TSPAN13: variants seen among roughly 807,000 people sequenced by gnomAD.
TSPAN13 encodes tetraspanin 13, also known as tetraspanin-13.
A neutral mutation model predicts 26.9 loss-of-function variants in TSPAN13; 18 were observed. That is an observed-to-expected ratio of 0.67 (90% CI 0.46 to 0.99). TSPAN13 has a LOEUF of 0.99. Ranked by LOEUF, TSPAN13 falls within the 50% of genes least tolerant of loss-of-function variation. The probability of loss-of-function intolerance (pLI) is 0.00; values close to 1 mark genes in which losing one functional copy is unlikely to be tolerated. For synonymous variants in TSPAN13, 116 were observed against 98.4 expected, an observed-to-expected ratio of 1.18 and a Z score of -1.06; for missense variants, 201 against 249.6, an observed-to-expected ratio of 0.81 and a Z score of 1.31.
At chr7:16,765,610 T>C (rs534532723) in intron 1 of TSPAN13, among the ~76,000 whole-genome samples, 42 of 152,332 alleles carry the variant, frequency 2.8e-4, no homozygotes, top group African/African-American at 6.3e-4. Flanking sequence ...CTCCTTTAGT[T>C]CTCTTTTTAA....
chr7:16,778,979 G>T (rs765042395), intron 4 of TSPAN13, 24 bp from the exon 5 acceptor site: 14 of 1,526,680 alleles, frequency 9.2e-6, no homozygotes, highest in Middle Eastern at 1.7e-4. Flanking sequence ...TGAAATAAAG[G>T]TTTTTTTACT....
At chr7:16,758,041 G>T (rs1183723208) in intron 1 of TSPAN13, among the ~76,000 whole-genome samples, 4 of 152,024 alleles carry the variant, frequency 2.6e-5, no homozygotes, top group Non-Finnish European at 5.9e-5. Flanking sequence ...CGCCGTGTTG[G>T]CCAGGCTGGT....
At chr7:16,780,761 A>C (rs148215598) in intron 5 of TSPAN13, among the ~76,000 whole-genome samples, 1 of 152,346 alleles carries the variant, frequency 6.6e-6, no homozygotes, top group East Asian at 1.9e-4. Context: ...TCATCAGATC[A>C]CACTGCCTTC....
intron 1 of TSPAN13, among the ~76,000 whole-genome samples, chr7:16,770,965 G>A (rs960332404): frequency 3.9e-5 from 6 of 152,154 alleles, no homozygotes; most frequent in African/African-American, 1.4e-4. Context: ...TTCTGGATAG[G>A]TTGTTGTGGT....
chr7:16,757,574 T>C (rs1427049714), intron 1 of TSPAN13, among the ~76,000 whole-genome samples: 1 of 152,182 alleles, frequency 6.6e-6, no homozygotes, highest in East Asian at 1.9e-4. Context: ...ATATATTTAC[T>C]GGGACTTTTT....
At chr7:16,771,132 C>T (rs1049848055) in intron 1 of TSPAN13, among the ~76,000 whole-genome samples, 1 of 152,214 alleles carries the variant, frequency 6.6e-6, no homozygotes, top group African/African-American at 2.4e-5. Flanking sequence ...CTCATGGGAC[C>T]CCACAGCACC....
chr7:16,779,857 C>T (rs1191528442), intron 5 of TSPAN13, among the ~76,000 whole-genome samples: 4 of 151,378 alleles, frequency 2.6e-5, no homozygotes, highest in African/African-American at 7.3e-5. Flanking sequence ...CTGCAAGCTC[C>T]GCCTCCCGGG....
intron 1 of TSPAN13, among the ~76,000 whole-genome samples, chr7:16,756,412 G>T (rs11976749): frequency 0.042 from 6,357 of 152,248 alleles, 215 homozygotes; most frequent in African/African-American, 0.092. Context: ...ATATGGGAAC[G>T]GCAGATGCCT....
At chr7:16,774,316 G>T (rs1583793520) in intron 1 of TSPAN13, among the ~76,000 whole-genome samples, 1 of 152,116 alleles carries the variant, frequency 6.6e-6, no homozygotes, top group East Asian at 1.9e-4. Context: ...CTGTTTCTCT[G>T]GAAACAGAAG....
At chr7:16,779,670 C>G (rs12540544) in intron 5 of TSPAN13, among the ~76,000 whole-genome samples, 49,308 of 151,328 alleles carry the variant, frequency 0.33, 8,349 homozygotes, top group Non-Finnish European at 0.38. Flanking sequence ...GTGTATTTAT[C>G]ATATATTTTA....
At position 16,753,812 on chromosome 7, in the gene TSPAN13, GCGC is replaced by G; in HGVS notation, c.-152_-150del. On this transcript the variant is annotated 5_prime_UTR_variant, in exon 1 of 6. Coordinates refer to ENST00000262067, the MANE Select transcript of TSPAN13 (RefSeq NM_014399.4). ...GCGGGTCCGAGCCGCCGCCGCGCGCGCGCCGCGCACTGCAGCCCCAGGCCCCGG... is the reference window on the plus strand; with the variant it reads ...GCGGGTCCGAGCCGCCGCCGCGCGCGCGCGCACTGCAGCCCCAGGCCCCGG... 3 of 651,258 alleles carry G rather than the reference GCGC, an allele frequency of 4.6e-6. No individual in the cohort carries two copies. The highest frequency in any genetic ancestry group is 7.3e-6 in the Non-Finnish European group (3 of 408,746). The allele number at this position is 651,258 out of a possible 1,614,324, so 40.3% of individuals were successfully genotyped here.
Position 16,783,822 on chromosome 7 carries a change from T to C in TSPAN13, c.*331T>C. ...CACTGTGTTGGTTATATGGTGAATCTGAACGTACATCTCACTGGTATAATT... is the reference window on the plus strand; with the variant it reads ...CACTGTGTTGGTTATATGGTGAATCCGAACGTACATCTCACTGGTATAATT... On this transcript the variant is annotated 3_prime_UTR_variant, in exon 6 of 6. Coordinates refer to ENST00000262067, the MANE Select transcript of TSPAN13 (RefSeq NM_014399.4). 1 of 293,084 alleles carries C rather than the reference T, an allele frequency of 3.4e-6. No individual in the cohort carries two copies. The highest frequency in any genetic ancestry group is 6.5e-6 in the Non-Finnish European group (1 of 153,370). 18.2% of individuals were successfully genotyped at this position (293,084 alleles called of 1,614,324 possible). A position where few individuals can be genotyped will look rare whatever the true frequency, so the allele number is the denominator to read the frequency against.
intron 5 of TSPAN13, among the ~76,000 whole-genome samples, chr7:16,782,803 A>C (rs1784827832): frequency 6.6e-6 from 1 of 152,174 alleles, no homozygotes; most frequent in Non-Finnish European, 1.5e-5. Flanking sequence ...ACTTTGTATT[A>C]GTTTTCCATA....
intron 1 of TSPAN13, among the ~76,000 whole-genome samples, chr7:16,769,751 A>G (rs190241015): frequency 6.6e-6 from 1 of 152,062 alleles, no homozygotes; most frequent in African/African-American, 2.4e-5. Flanking sequence ...TCCCATTGTT[A>G]TTTTGTATTT....
intron 3 of TSPAN13, among the ~76,000 whole-genome samples, chr7:16,777,397 A>G (rs1463820640): frequency 1.3e-5 from 2 of 152,274 alleles, no homozygotes; most frequent in African/African-American, 2.4e-5. Context: ...ATCTTTTCCC[A>G]CTATTATGCA....
intron 3 of TSPAN13, among the ~76,000 whole-genome samples, 182 bp from the exon 4 acceptor site, chr7:16,777,616 A>G (rs148064026): frequency 6.6e-6 from 1 of 152,320 alleles, no homozygotes; most frequent in Non-Finnish European, 1.5e-5. Context: ...GAGTTTTTCA[A>G]TCTTGGGATA....
intron 5 of TSPAN13, 21 bp from the exon 6 acceptor site, chr7:16,783,396 A>T (rs778260298): frequency 3.2e-6 from 5 of 1,586,548 alleles, no homozygotes; most frequent in African/African-American, 2.7e-5. Context: ...TCTTTACTTT[A>T]TTTTTTTTTC....
chr7:16,781,281 A>G (rs1272156499), intron 5 of TSPAN13, among the ~76,000 whole-genome samples: 2 of 152,194 alleles, frequency 1.3e-5, no homozygotes, highest in Admixed American at 1.3e-4. Flanking sequence ...CCCGTTCTAT[A>G]TTTAGTAAAA....
chr7:16,757,897 G>A (rs748843116), intron 1 of TSPAN13, among the ~76,000 whole-genome samples: 3 of 152,022 alleles, frequency 2.0e-5, no homozygotes, highest in East Asian at 3.9e-4. Flanking sequence ...GCAATGGCGC[G>A]ATCTTGGCTC....
Sources: gnomAD v4.1 joint callset for allele counts (sites outside exome capture counted in the v4.1 genomes callset) on GRCh38, gnomAD v4.1.1 for gene constraint, MANE v1.5 for transcripts, NCBI Gene and HGNC (gene_info 2026-07-23, HGNC 2026-07-21) for gene names.